DYSF: variants seen among roughly 807,000 people sequenced by gnomAD.
The protein encoded by DYSF is dystrophy-associated fer-1-like 1.
Under a neutral mutation model 274.9 loss-of-function variants are expected in DYSF, and 212 were observed. The observed-to-expected ratio is 0.77, with a 90% confidence interval of 0.69 to 0.86. The LOEUF is 0.86. Among genes scored for constraint, DYSF ranks in the 40% least tolerant of loss-of-function variants. The pLI is 0.00. For synonymous variants in DYSF, 1,091 were observed against 1,078.7 expected, an observed-to-expected ratio of 1.01 and a Z score of -0.22; for missense variants, 2,666 against 2,783.2, an observed-to-expected ratio of 0.96 and a Z score of 0.95.
chr2:71,684,146 G>A (rs867852298), intron 55 of DYSF, among the ~76,000 whole-genome samples: 4 of 152,210 alleles, frequency 2.6e-5, no homozygotes, highest in Non-Finnish European at 5.9e-5. Flanking sequence ...TCTGACTGTG[G>A]TCCAGGGTAG....
upstream of DYSF, among the ~76,000 whole-genome samples, chr2:71,464,370 T>G (rs567761262): frequency 9.2e-5 from 14 of 152,298 alleles, no homozygotes; most frequent in African/African-American, 3.1e-4. Flanking sequence ...AGAAAACAAT[T>G]AAGACACATG....
chr2:71,505,504 G>T (rs999673352), intron 4 of DYSF, among the ~76,000 whole-genome samples: 5 of 152,240 alleles, frequency 3.3e-5, no homozygotes, highest in East Asian at 1.9e-4. Context: ...TGAGAGGCGT[G>T]GGGGAGGCCG....
At chr2:71,644,151 T>A (rs1372695393) in intron 42 of DYSF, 88 bp downstream of exon 42, 10 of 1,127,638 alleles carry the variant, frequency 8.9e-6, no homozygotes, top group Non-Finnish European at 1.3e-5. Context: ...ATGCAGTAGA[T>A]GTATTTGCAT....
At chr2:71,663,837 G>A (rs2094946282) in intron 45 of DYSF, among the ~76,000 whole-genome samples, 1 of 151,928 alleles carries the variant, frequency 6.6e-6, no homozygotes, top group Non-Finnish European at 1.5e-5. Flanking sequence ...TGGAGTACCA[G>A]TCGTCGGTAA....
At chr2:71,625,479 A>G (rs1286656781) in intron 41 of DYSF, among the ~76,000 whole-genome samples, 1 of 152,076 alleles carries the variant, frequency 6.6e-6, no homozygotes, top group Non-Finnish European at 1.5e-5. Flanking sequence ...TTGGGTTTCC[A>G]TATAAGTGTG....
chr2:71,561,963 G>A lies in DYSF; in HGVS notation c.2409+19G>A. ...AGAGGAGGTAATTAAGCCTGGGGGT[G>A]CCTTTCTTCTTCTGCTCTCCTGCTG... is the stretch of plus-strand genomic sequence containing the variant. On this transcript the variant is annotated intron_variant, in intron 23 of 55. Transcript: ENST00000410020. The A allele has an allele frequency of 1.9e-6, 3 of 1,607,892 alleles. No individual in the cohort carries two copies. Among genetic ancestry groups the A allele is most frequent in the Non-Finnish European group, 2.5e-6 (3 of 1,177,836 alleles).
At chr2:71,571,886 G>A (rs1165341180) in intron 29 of DYSF, among the ~76,000 whole-genome samples, 2 of 86,796 alleles carry the variant, frequency 2.3e-5, no homozygotes, top group Admixed American at 1.2e-4. Flanking sequence ...AGCACACACA[G>A]CTCACACCCA....
At chr2:71,589,214 C>T (rs567411748) in intron 30 of DYSF, among the ~76,000 whole-genome samples, 12 of 152,166 alleles carry the variant, frequency 7.9e-5, no homozygotes, top group Non-Finnish European at 1.6e-4. Context: ...CCCAGAGATG[C>T]TAGCCTGGAA....
At chr2:71,592,930 G>T (rs781149448) in intron 32 of DYSF, among the ~76,000 whole-genome samples, 64 of 152,270 alleles carry the variant, frequency 4.2e-4, no homozygotes, top group Non-Finnish European at 5.9e-4. Flanking sequence ...GGAGAGGGAG[G>T]CTGTCCTAGA....
intron 53 of DYSF, 26 bp from the exon 54 acceptor site, chr2:71,680,975 T>TAACCAAGTGCTCTCTGTCCCC: frequency 6.2e-7 from 1 of 1,610,650 alleles, no homozygotes; most frequent in East Asian, 2.2e-5. Flanking sequence ...TTCGTGCCCC[T>TAACCAAGTGCTCTCTGTCCCC]AACCAAGTGC....
At chr2:71,475,452 A>G (rs6546695) in intron 1 of DYSF, among the ~76,000 whole-genome samples, 63,466 of 152,028 alleles carry the variant, frequency 0.42, 13,871 homozygotes, top group African/African-American at 0.55. Flanking sequence ...GCACACTGCT[A>G]CACGGCTGTC....
At chr2:71,573,355 G>A (rs776425724) in intron 29 of DYSF, among the ~76,000 whole-genome samples, 2 of 152,210 alleles carry the variant, frequency 1.3e-5, no homozygotes, top group Non-Finnish European at 2.9e-5. Flanking sequence ...ATCCTTCCTG[G>A]AGAGTGGCAC....
intron 43 of DYSF, among the ~76,000 whole-genome samples, chr2:71,656,934 A>C (rs1278265881): frequency 1.3e-5 from 2 of 152,142 alleles, no homozygotes; most frequent in African/African-American, 4.8e-5. Flanking sequence ...GGCCCCTCCA[A>C]ATCTCATGTT....
chr2:71,454,699 G>C (rs1343308437), intron 1 of DYSF, among the ~76,000 whole-genome samples: 1 of 152,314 alleles, frequency 6.6e-6, no homozygotes, highest in South Asian at 2.1e-4. Flanking sequence ...CGGACCAGTG[G>C]GTGGAGGGAG....
intron 41 of DYSF, among the ~76,000 whole-genome samples, chr2:71,622,770 C>T (rs1016255897): frequency 6.6e-5 from 10 of 152,112 alleles, no homozygotes; most frequent in African/African-American, 9.7e-5. Flanking sequence ...TGCCCACCAC[C>T]GCACTCTGTT....
At chr2:71,524,071 T>C (rs1392557098) in intron 12 of DYSF, among the ~76,000 whole-genome samples, 1 of 152,182 alleles carries the variant, frequency 6.6e-6, no homozygotes, top group African/African-American at 2.4e-5. Context: ...AGAATGCTCT[T>C]CCATCCCTCT....
At chr2:71,618,675 A>G (rs1453952301) in intron 40 of DYSF, among the ~76,000 whole-genome samples, 40 of 79,142 alleles carry the variant, frequency 5.1e-4, no homozygotes, top group Admixed American at 1.1e-3. Flanking sequence ...TGTGTGTGGT[A>G]GAGGGATGTG....
At chr2:71,507,581 C>T (rs1298120415) in intron 4 of DYSF, among the ~76,000 whole-genome samples, 1 of 152,200 alleles carries the variant, frequency 6.6e-6, no homozygotes, top group Non-Finnish European at 1.5e-5. Context: ...GTGTTTGGCC[C>T]TGGCAGGTGC....
chr2:71,479,613 T>C (rs2082718639), intron 1 of DYSF, among the ~76,000 whole-genome samples: 1 of 152,194 alleles, frequency 6.6e-6, no homozygotes, highest in Admixed American at 6.5e-5. Context: ...GAGGGTCTCC[T>C]TGTGCGTCTC....
Sources: gnomAD v4.1 joint callset for allele counts (sites outside exome capture counted in the v4.1 genomes callset) on GRCh38, gnomAD v4.1.1 for gene constraint, MANE v1.5 for transcripts, NCBI Gene and HGNC (gene_info 2026-07-23, HGNC 2026-07-21) for gene names.